AMZ1: variants seen among roughly 807,000 people sequenced by gnomAD.
AMZ1 encodes archaelysin family metallopeptidase 1.
AMZ1 carries 39 observed loss-of-function variants against 29.9 expected under a neutral mutation model. The observed-to-expected ratio is 1.30, with a 90% CI of 1.01 to 1.70. AMZ1 has a LOEUF of 1.70. AMZ1 is among the 40% of genes most tolerant of loss of function. AMZ1 has a pLI of 0.00. For synonymous variants in AMZ1, 458 were observed against 304.0 expected, an observed-to-expected ratio of 1.51 and a Z score of -5.27; for missense variants, 1,041 against 680.6, an observed-to-expected ratio of 1.53 and a Z score of -5.89.
At chr7:2,721,499 G>A (rs779544799), downstream of AMZ1, among the ~76,000 whole-genome samples, 19 of 152,126 alleles carry the variant, frequency 1.2e-4, no homozygotes, top group South Asian at 2.1e-4. Flanking sequence ...GGTGGATCAC[G>A]AGGTCAGGAG....
In AMZ1 at chr7:2,702,975, G is replaced by A. The variant is rs73283156; in HGVS notation, c.472+86G>A. The A allele has an allele frequency of 9.3e-3, 13,410 of 1,449,544 alleles. 1,062 individuals carry two copies. In the African/African-American group the frequency reaches 0.17, roughly 19 times the overall value. 89.8% of individuals were successfully genotyped at this position (1,449,544 alleles called of 1,614,324 possible). A position where few individuals can be genotyped will look rare whatever the true frequency, so the allele number is the denominator to read the frequency against. On this transcript the variant is annotated intron_variant, in intron 3 of 6. Transcript: ENST00000683327. ...GGGAGGAAGGCGCCCAGGAGAGGAA[G>A]GGAACCTTTTCTTCCTTTTTGCTGG...
At chr7:2,710,259 C>T (rs773921461) in intron 6 of AMZ1, among the ~76,000 whole-genome samples, 1 of 152,222 alleles carries the variant, frequency 6.6e-6, no homozygotes, top group Admixed American at 6.5e-5. Flanking sequence ...AGGTGGCCTC[C>T]ATTCCTAACT....
chr7:2,692,677 G>A (rs1180049606), intron 1 of AMZ1, among the ~76,000 whole-genome samples: 1 of 152,158 alleles, frequency 6.6e-6, no homozygotes. Flanking sequence ...GGGACTCTGA[G>A]AGGTTGCAGG....
exon 1 of AMZ1, chr7:2,764,611 C>CCAGG (rs1486013782): frequency 2.6e-5 from 4 of 152,228 alleles, no homozygotes; most frequent in Admixed American, 6.5e-5. Context: ...GCTTAGGGAG[C>CCAGG]CAGGGCCTGT....
At chr7:2,692,916 C>A (rs1046401103) in intron 1 of AMZ1, among the ~76,000 whole-genome samples, 1 of 152,218 alleles carries the variant, frequency 6.6e-6, no homozygotes, top group Admixed American at 6.5e-5. Context: ...GTCCCCTGAG[C>A]CCCCAGACGT....
At position 2,718,184 on chromosome 7, in the gene AMZ1, A is replaced by G. The variant is rs1394034333; in HGVS notation, c.*5306A>G. ...TAATGAACGCACTTCTGTCACATGG[A>G]AACTGAGCCCGGCATGGAGTCACGT... is the stretch of plus-strand genomic sequence containing the variant. On this transcript the variant is annotated 3_prime_UTR_variant, in exon 7 of 7. Transcript: ENST00000683327. 6.6e-6 allele frequency among the ~76,000 whole-genome samples: 1 copy of G among 152,126 alleles called. No homozygotes were observed. Among genetic ancestry groups the G allele is most frequent in the Non-Finnish European group, 1.5e-5 (1 of 68,014 alleles).
At chr7:2,749,514 G>A (rs1320026345) in intron 4 of AMZ1, among the ~76,000 whole-genome samples, 2 of 150,188 alleles carry the variant, frequency 1.3e-5, no homozygotes, top group Non-Finnish European at 3.0e-5. Flanking sequence ...ACTATTGTGG[G>A]GTAGGGGGAG....
intron 4 of AMZ1, among the ~76,000 whole-genome samples, chr7:2,726,271 C>T (rs971444690): frequency 8.6e-5 from 13 of 151,548 alleles, no homozygotes; most frequent in African/African-American, 3.2e-4. Context: ...TTGCTGGCCA[C>T]AGTGAGAAGA....
Position 2,702,747 on chromosome 7 carries a change from C to T in AMZ1, c.330C>T (p.Ser110=). 6.5e-7 allele frequency: 1 copy of T among 1,539,120 alleles called. No homozygotes were observed. The highest frequency in any genetic ancestry group is 8.7e-7 in the Non-Finnish European group (1 of 1,144,932). Reference sequence around the variant, plus strand: ...ACCTGAGCGAGGAGCCGGTGGGAAGCTCCCTGCTGCACCAGCTGTGCAGCT... The same window carrying T: ...ACCTGAGCGAGGAGCCGGTGGGAAGTTCCCTGCTGCACCAGCTGTGCAGCT... ...PIDLSEEPVG[S]SLLHQLCSCT... Residue 110 remains serine (S), a synonymous_variant, in exon 3 of 7, where the codon AGC becomes AGT. Transcript: ENST00000683327.
intron 4 of AMZ1, among the ~76,000 whole-genome samples, chr7:2,727,790 G>C (rs1431369231): frequency 6.6e-6 from 1 of 152,102 alleles, no homozygotes; most frequent in Non-Finnish European, 1.5e-5. Flanking sequence ...GCTCATGCCT[G>C]TAATCCCAGC....
In AMZ1 at chr7:2,708,701, T is replaced by A; in HGVS notation, c.586T>A (p.Phe196Ile). The change falls in exon 4 of 7, where the codon TTC (phenylalanine) becomes ATC (isoleucine). Residue 196 changes from phenylalanine (F) to isoleucine (I), a missense_variant. By Grantham distance (21) the Phe-to-Ile change is conservative. Transcript: ENST00000683327. ...HEAWSFTFSK[F>I]LPGHEVGVCS... ...GGCCTGGAGCTTCACCTTCAGCAAGTTCCTTCCAGGGCACGGTGAGCCGGG... is the reference window on the plus strand; with the variant it reads ...GGCCTGGAGCTTCACCTTCAGCAAGATCCTTCCAGGGCACGGTGAGCCGGG... 4 of 1,612,858 alleles carry A rather than the reference T, an allele frequency of 2.5e-6. No individual in the cohort carries two copies. The highest frequency in any genetic ancestry group is 3.4e-6 in the Non-Finnish European group (4 of 1,179,964).
chr7:2,705,121 A>C (rs1788277678), intron 3 of AMZ1, among the ~76,000 whole-genome samples: 1 of 152,192 alleles, frequency 6.6e-6, no homozygotes, highest in Admixed American at 6.5e-5. Flanking sequence ...AATTAGTTTA[A>C]CTTTGAGAAT....
chr7:2,749,663 A>G (rs1455741236), intron 4 of AMZ1, among the ~76,000 whole-genome samples: 1 of 152,152 alleles, frequency 6.6e-6, no homozygotes, highest in Non-Finnish European at 1.5e-5. Flanking sequence ...AAGTATAATA[A>G]TAATAAAATA....
At chr7:2,687,755 AC>A (rs1172459324), upstream of AMZ1, among the ~76,000 whole-genome samples, 2 of 148,246 alleles carry the variant, frequency 1.3e-5, no homozygotes, top group Non-Finnish European at 3.0e-5. Flanking sequence ...GGCCTCGTTC[AC>A]CCCCTCACCT....
intron 5 of AMZ1, 79 bp from the exon 6 acceptor site, chr7:2,709,561 T>C: frequency 6.5e-7 from 1 of 1,534,606 alleles, no homozygotes; most frequent in Non-Finnish European, 8.7e-7. Context: ...CTCATTTTGG[T>C]CCTGCTGGGG....
In AMZ1 at chr7:2,704,132, G is replaced by A. The variant is rs1214866536; in HGVS notation, c.472+1243G>A. ...TCTGGATCTCCTGACCGCATGATCTGCCTGCATTGGCCTCCCAAAGTGCTG... is the reference window on the plus strand; with the variant it reads ...TCTGGATCTCCTGACCGCATGATCTACCTGCATTGGCCTCCCAAAGTGCTG... On this transcript the variant is annotated intron_variant, in intron 3 of 6. Coordinates refer to ENST00000683327, the MANE Select transcript of AMZ1 (RefSeq NM_001384743.1). Among the ~76,000 whole-genome samples the A allele has an allele frequency of 2.6e-5, 4 of 152,364 alleles. No homozygotes were observed. The South Asian group carries it at 8.3e-4, about 32-fold the overall frequency.
chr7:2,705,094 A>ACGCATCTTATTGGAAAAATTAGTTT, intron 3 of AMZ1, among the ~76,000 whole-genome samples: 1 of 152,298 alleles, frequency 6.6e-6, no homozygotes, highest in South Asian at 2.1e-4. Flanking sequence ...ATTGTTAGTT[A>ACGCATCTTATTGGAAAAATTAGTTT]CGCATCTTAT....
At chr7:2,726,749 G>A (rs798536) in intron 4 of AMZ1, among the ~76,000 whole-genome samples, 35,809 of 152,226 alleles carry the variant, frequency 0.24, 4,957 homozygotes, top group Non-Finnish European at 0.29. Context: ...GAGATGCCCC[G>A]TGATGCCGAA....
rs780918214 is a variant in AMZ1 at position 2,708,661 on chromosome 7, C to T, written c.546C>T (p.Asp182=). The part of the protein sequence containing the change: ...ALCVLGLTLS[D]LYPHEAWSFT... Reference sequence around the variant, plus strand: ...GTGTGCTGGGCCTCACACTGTCTGACCTGTACCCCCATGAGGCCTGGAGCT... The same window carrying T: ...GTGTGCTGGGCCTCACACTGTCTGATCTGTACCCCCATGAGGCCTGGAGCT... The change falls in exon 4 of 7, where the codon GAC becomes GAT. Residue 182 remains aspartate, a synonymous_variant. Coordinates refer to ENST00000683327, the MANE Select transcript of AMZ1 (RefSeq NM_001384743.1). 1 of 1,613,264 alleles carries T rather than the reference C, an allele frequency of 6.2e-7. No homozygotes were observed. The highest frequency in any genetic ancestry group is 2.2e-5 in the East Asian group (1 of 44,886).
Sources: allele counts gnomAD v4.1 joint callset (sites outside exome capture counted in the v4.1 genomes callset), GRCh38; gene constraint gnomAD v4.1.1; transcripts MANE v1.5; gene names NCBI Gene and HGNC (gene_info 2026-07-23, HGNC 2026-07-21).